The following GRXCR2 variants were observed in gnomAD, a reference collection of about 807,000 sequenced individuals.
The protein encoded by GRXCR2 is glutaredoxin and cysteine rich domain containing 2, also known as glutaredoxin domain-containing cysteine-rich protein 2.
A neutral mutation model predicts 24.8 loss-of-function variants in GRXCR2; 23 were observed. The observed-to-expected ratio is 0.93, with a 90% CI of 0.67 to 1.32. The LOEUF is 1.32. Ranked by LOEUF, GRXCR2 falls within the 40% of genes most tolerant of loss-of-function variation. GRXCR2 has a pLI of 0.00. For missense variants in GRXCR2, 315 were observed against 303.4 expected (o/e 1.04, Z -0.28); for synonymous variants, 130 against 116.1 (o/e 1.12, Z -0.77).
intron 2 of GRXCR2, among the ~76,000 whole-genome samples, chr5:145,904,240 A>G (rs1757061684): frequency 6.6e-6 from 1 of 152,098 alleles, no homozygotes; most frequent in South Asian, 2.1e-4. Context: ...ACACACGTAC[A>G]TCCTCACACC....
chr5:145,903,794 T>C (rs1757056417), intron 2 of GRXCR2, among the ~76,000 whole-genome samples: 1 of 152,186 alleles, frequency 6.6e-6, no homozygotes, highest in Admixed American at 6.5e-5. Flanking sequence ...CCACAATTGA[T>C]TGTCTTTTTC....
intron 2 of GRXCR2, among the ~76,000 whole-genome samples, chr5:145,895,807 A>G (rs1215468872): frequency 1.3e-5 from 2 of 152,236 alleles, no homozygotes; most frequent in Admixed American, 6.5e-5. Context: ...GAACCAAAAA[A>G]GAGCCTGCAT....
chr5:145,903,182 C>T lies in GRXCR2; in HGVS notation c.-70+32519G>A, dbSNP rs139216781. ...CTTTTAGCTGTGTGATCTTGGGTAACGTGCTTAACCTCTCTGAATCTCAGA... is the reference window on the plus strand; with the variant it reads ...CTTTTAGCTGTGTGATCTTGGGTAATGTGCTTAACCTCTCTGAATCTCAGA... On this transcript the variant is annotated intron_variant, in intron 2 of 3. Transcript: ENST00000639411. Among the ~76,000 whole-genome samples the T allele has an allele frequency of 2.2e-3, 335 of 152,256 alleles. 1 individual carries two copies. Among genetic ancestry groups the T allele is most frequent in the African/African-American group, 7.6e-3 (315 of 41,554 alleles).
At chr5:145,927,939 A>C (rs1462470614) in intron 2 of GRXCR2, among the ~76,000 whole-genome samples, 1 of 152,236 alleles carries the variant, frequency 6.6e-6, no homozygotes, top group Non-Finnish European at 1.5e-5. Context: ...GCACAGCAAA[A>C]GAAACTACCA....
chr5:145,859,777 A>G lies in GRXCR2; in HGVS notation c.703T>C (p.Cys235Arg). The G allele has an allele frequency of 6.2e-7, 1 of 1,614,202 alleles. No homozygotes were observed. The highest frequency in any genetic ancestry group is 8.5e-7 in the Non-Finnish European group (1 of 1,180,020). Residue 235 changes from cysteine to arginine, a missense_variant, in exon 3 of 3, where the codon TGC becomes CGC. Transcript: ENST00000377976. Reference protein sequence around the residue: ...ESYRALRCPACNENGLQPCQI... With the variant: ...ESYRALRCPARNENGLQPCQI... ...CAAGGCTGTAGGCCATTCTCATTGC[A>G]GGCAGGGCACCTCAGGGCCCGATAG... is the stretch of plus-strand genomic sequence containing the variant.
chr5:145,915,012 T>A (rs1450301251), intron 2 of GRXCR2, among the ~76,000 whole-genome samples: 1 of 152,216 alleles, frequency 6.6e-6, no homozygotes, highest in Non-Finnish European at 1.5e-5. Flanking sequence ...CCTGGATCTC[T>A]CTTCCAGGCA....
intron 2 of GRXCR2, among the ~76,000 whole-genome samples, chr5:145,885,991 G>A (rs776573454): frequency 6.6e-6 from 1 of 152,238 alleles, no homozygotes; most frequent in African/African-American, 2.4e-5. Flanking sequence ...TCAGTCATCT[G>A]AGCCCAAAGT....
chr5:145,899,690 G>A (rs577956094), intron 2 of GRXCR2, among the ~76,000 whole-genome samples: 2 of 152,240 alleles, frequency 1.3e-5, no homozygotes, highest in East Asian at 1.9e-4. Flanking sequence ...AAATAGTGCT[G>A]GGAGAGCTTG....
At chr5:145,880,514 C>T (rs565100335) in intron 2 of GRXCR2, among the ~76,000 whole-genome samples, 1 of 152,238 alleles carries the variant, frequency 6.6e-6, no homozygotes, top group African/African-American at 2.4e-5. Context: ...AGACCAATAA[C>T]AGACTCTGAA....
At position 145,866,693 on chromosome 5, in the gene GRXCR2, G is replaced by T. The variant is rs1238820252; in HGVS notation, c.372C>A (p.Ile124=). ...GAATGATTTTCAGGTTATTAGTGTAGATGATTATCTTTCCAAAATCTATAA... is the reference window on the plus strand; with the variant it reads ...GAATGATTTTCAGGTTATTAGTGTATATGATTATCTTTCCAAAATCTATAA... ...LPIIDFGKII[I]YTNNLKIIRT... Residue 124 remains isoleucine, a synonymous_variant, in exon 2 of 3, where the codon ATC becomes ATA. Transcript: ENST00000377976. 2.5e-6 allele frequency: 4 copies of T among 1,612,886 alleles called. No individual in the cohort carries two copies. The highest frequency in any genetic ancestry group is 3.4e-6 in the Non-Finnish European group (4 of 1,178,890).
intron 2 of GRXCR2, among the ~76,000 whole-genome samples, chr5:145,899,858 A>G (rs903684487): frequency 1.3e-5 from 2 of 152,178 alleles, no homozygotes; most frequent in Non-Finnish European, 2.9e-5. Flanking sequence ...GAAAGAATTT[A>G]TGACTAAATC....
intron 2 of GRXCR2, among the ~76,000 whole-genome samples, chr5:145,865,347 G>T (rs113659676): frequency 5.3e-4 from 80 of 152,284 alleles, no homozygotes; most frequent in Admixed American, 1.3e-3. Flanking sequence ...CACTGTGAAT[G>T]AACGAATATC....
chr5:145,866,555 G>C lies in GRXCR2; in HGVS notation c.510C>G (p.His170Gln). The change falls in exon 2 of 3, where the codon CAC becomes CAG. Residue 170 changes from histidine (H) to glutamine (Q), a missense_variant. Transcript: ENST00000377976. ...KEESYGGRDQ[H>Q]DRPLVEAEST... The stretch of plus-strand genomic sequence containing the variant: ...TTTCTGCCTCCACCAAAGGTCTATC[G>C]TGCTGGTCCCTGCCTCCATAGCTTT... 6.2e-7 allele frequency: 1 copy of C among 1,614,098 alleles called. No homozygotes were observed. Among genetic ancestry groups the C allele is most frequent in the Non-Finnish European group, 8.5e-7 (1 of 1,179,978 alleles).
At position 145,906,129 on chromosome 5, in the gene GRXCR2, T is replaced by C. The variant is rs551047010; in HGVS notation, c.-70+29572A>G. On this transcript the variant is annotated intron_variant, in intron 2 of 3. Coordinates refer to the GRXCR2 transcript ENST00000639411. ...AGCCTGGTAATGGCACCTATGTATG[T>C]TTCTCCCTACAGAGGCACCCCTCCT... 3.3e-5 allele frequency among the ~76,000 whole-genome samples: 5 copies of C among 152,288 alleles called. No homozygotes were observed. In the South Asian group the frequency reaches 1.0e-3, roughly 32 times the overall value.
Position 145,866,726 on chromosome 5 carries a change from G to C in GRXCR2, c.339C>G (p.Pro113=), listed in dbSNP as rs1387142440. 1 of 1,591,550 alleles carries C rather than the reference G, an allele frequency of 6.3e-7. No homozygotes were observed. Among genetic ancestry groups the C allele is most frequent in the South Asian group, 1.1e-5 (1 of 90,490 alleles). ...TCTTTCCAAAATCTATAATAGGTAG[G>C]GGCTAGAGAAATGGAGAATGAGCAT... The part of the protein sequence containing the change: ...FNDYKANDHK[P]LPIIDFGKII... The change falls in exon 2 of 3, where the codon CCC becomes CCG. Residue 113 remains proline, a splice_region_variant and synonymous_variant. Coordinates refer to ENST00000377976, the MANE Select transcript of GRXCR2 (RefSeq NM_001080516.2).
At chr5:145,880,644 A>G (rs1050772561) in intron 2 of GRXCR2, among the ~76,000 whole-genome samples, 3 of 152,330 alleles carry the variant, frequency 2.0e-5, no homozygotes, top group Non-Finnish European at 4.4e-5. Context: ...AACTATTCCA[A>G]TGAATAGAAA....
At position 145,887,896 on chromosome 5, in the gene GRXCR2, T is replaced by A. The variant is rs372540804; in HGVS notation, c.-69-21168A>T. 4.2e-3 allele frequency among the ~76,000 whole-genome samples: 644 copies of A among 152,346 alleles called. 2 individuals are homozygous for A. The highest frequency in any genetic ancestry group is 0.015 in the African/African-American group (620 of 41,582). ...CATACACAGAGTGCCTATTTTACAA[T>A]AACTTCTAGGGAAATCACATCCAAG... On this transcript the variant is annotated intron_variant, in intron 2 of 3. Transcript: ENST00000639411.
intron 2 of GRXCR2, among the ~76,000 whole-genome samples, chr5:145,866,134 CAAAAAAAAAAA>C (rs71581841): frequency 7.5e-4 from 64 of 85,868 alleles, no homozygotes; most frequent in Non-Finnish European, 1.4e-4. Context: ...AACTCCTTCT[CAAAAAAAAAAA>C]AAAAAAGAAA....
chr5:145,917,874 G>A (rs1757262769), intron 2 of GRXCR2, among the ~76,000 whole-genome samples: 1 of 152,156 alleles, frequency 6.6e-6, no homozygotes, highest in African/African-American at 2.4e-5. Flanking sequence ...CCGCCTCCTG[G>A]GTTCAAGTGA....
Sources: allele counts gnomAD v4.1 joint callset (sites outside exome capture counted in the v4.1 genomes callset), GRCh38; gene constraint gnomAD v4.1.1; transcripts MANE v1.5; gene names NCBI Gene and HGNC (gene_info 2026-07-23, HGNC 2026-07-21).